Variants in SORBS2 observed in about 807,000 individuals in gnomAD.
The protein encoded by SORBS2 is sorbin and SH3 domain containing 2.
A neutral mutation model predicts 97.7 loss-of-function variants in SORBS2; 46 were observed. The ratio of observed to expected loss-of-function variants is 0.47; its 90% CI spans 0.37 to 0.60. The LOEUF (loss-of-function observed/expected upper bound fraction) is 0.60, where lower values mean the gene tolerates loss of function less well. Ranked by LOEUF, SORBS2 falls within the 20% of genes least tolerant of loss-of-function variation. SORBS2 has a pLI of 0.00. For missense variants in SORBS2, 1,316 were observed against 1,282.3 expected (o/e 1.03, Z -0.40); for synonymous variants, 476 against 473.4 (o/e 1.01, Z -0.07).
chr4:185,903,281 A>G (rs1192783201), intron 1 of SORBS2, among the ~76,000 whole-genome samples: 4 of 152,194 alleles, frequency 2.6e-5, no homozygotes, highest in Non-Finnish European at 4.4e-5. Flanking sequence ...TGGGCTCTTT[A>G]AGATTAGTGT....
chr4:185,953,198 C>T (rs765667009), intron 1 of SORBS2, among the ~76,000 whole-genome samples: 1 of 152,246 alleles, frequency 6.6e-6, no homozygotes, highest in Non-Finnish European at 1.5e-5. Flanking sequence ...GCCTGAATCC[C>T]AGCTACTAGG....
chr4:185,900,749 A>T (rs1453944516), intron 1 of SORBS2, among the ~76,000 whole-genome samples: 1 of 152,142 alleles, frequency 6.6e-6, no homozygotes, highest in East Asian at 1.9e-4. Context: ...ATTTGTACGT[A>T]TGAGTGGGAG....
At chr4:185,678,950 T>A in intron 2 of SORBS2, 128 bp from the exon 6 acceptor site, 1 of 474,264 alleles carries the variant, frequency 2.1e-6, no homozygotes, top group East Asian at 3.6e-5. Context: ...AATCTGGGTA[T>A]GTCAAACATG....
exon 6 of SORBS2, chr4:185,626,863 G>C (rs1308035850): frequency 1.2e-6 from 2 of 1,614,248 alleles, no homozygotes; most frequent in Non-Finnish European, 1.7e-6. Context: ...AAGGAGAAGA[G>C]CTAGTGAAAG....
At chr4:185,635,159 A>C (rs2096973882) in intron 4 of SORBS2, among the ~76,000 whole-genome samples, 196 bp downstream of exon 16, 1 of 152,218 alleles carries the variant, frequency 6.6e-6, no homozygotes, top group Admixed American at 6.5e-5. Context: ...CTTCACCCAG[A>C]GTCCAGAGAT....
chr4:185,812,475 G>A (rs752353275), intron 1 of SORBS2, among the ~76,000 whole-genome samples: 6 of 152,170 alleles, frequency 3.9e-5, no homozygotes, highest in Non-Finnish European at 7.3e-5. Flanking sequence ...TTTTATATGA[G>A]CCGGGGCTAT....
chr4:185,941,244 A>T (rs775900715), intron 1 of SORBS2, among the ~76,000 whole-genome samples: 1 of 152,178 alleles, frequency 6.6e-6, no homozygotes, highest in Non-Finnish European at 1.5e-5. Context: ...TATTACACAG[A>T]TGGGACATTA....
intron 2 of SORBS2, among the ~76,000 whole-genome samples, chr4:185,716,003 G>T (rs2098462342): frequency 6.6e-6 from 1 of 152,208 alleles, no homozygotes; most frequent in Non-Finnish European, 1.5e-5. Context: ...CACAGTCAGA[G>T]ACCTAAGAGA....
In SORBS2 at chr4:185,684,387, T is replaced by C. The variant is rs751621984; in HGVS notation, c.-197-5565A>G. 1.3e-5 allele frequency among the ~76,000 whole-genome samples: 2 copies of C among 152,178 alleles called. No individual in the cohort carries two copies. The highest frequency in any genetic ancestry group is 2.9e-5 in the Non-Finnish European group (2 of 68,030). On this transcript the variant is annotated intron_variant, in intron 2 of 20. Coordinates refer to the SORBS2 transcript ENST00000284776. The surrounding 1 kb of genome is among the most constrained non-coding windows in gnomAD (Gnocchi z 4.2). ...TCAAAACTAATGTTCTATCATTCTG[T>C]TCACAACCTTTGACAAAGAATCCAG...
intron 4 of SORBS2, among the ~76,000 whole-genome samples, chr4:185,641,616 C>G (rs73030023): frequency 1.3e-3 from 196 of 152,204 alleles, no homozygotes; most frequent in African/African-American, 4.5e-3. Context: ...CCTTTGAGTA[C>G]AGCACTAATA....
intron 1 of SORBS2, among the ~76,000 whole-genome samples, chr4:185,886,642 C>T (rs576295910): frequency 7.3e-5 from 11 of 151,194 alleles, no homozygotes; most frequent in South Asian, 2.1e-4. Flanking sequence ...CTGCTATCCA[C>T]GGCTCAGGTC....
At chr4:185,833,398 TG>T (rs1411037819) in intron 1 of SORBS2, among the ~76,000 whole-genome samples, 4 of 152,238 alleles carry the variant, frequency 2.6e-5, no homozygotes, top group Admixed American at 2.6e-4. Flanking sequence ...ACATGGCTCC[TG>T]GGATTATCAC....
At chr4:185,843,585 C>G (rs576216822) in intron 1 of SORBS2, among the ~76,000 whole-genome samples, 40 of 152,144 alleles carry the variant, frequency 2.6e-4, no homozygotes, top group African/African-American at 9.4e-4. Flanking sequence ...TAAGCAATAC[C>G]ATTTGCAGTA....
intron 1 of SORBS2, among the ~76,000 whole-genome samples, chr4:185,781,671 C>T (rs1163515995): frequency 1.5e-4 from 9 of 58,450 alleles, no homozygotes; most frequent in Admixed American, 4.1e-4. Flanking sequence ...CCATTGCCTC[C>T]GGCCTCTCCA....
At chr4:185,690,407 A>T (rs2098071275) in intron 2 of SORBS2, among the ~76,000 whole-genome samples, 155 bp downstream of exon 4, 1 of 152,224 alleles carries the variant, frequency 6.6e-6, no homozygotes, top group South Asian at 2.1e-4. Context: ...GTGGGGCACA[A>T]ATACAAAGAA....
chr4:185,663,756 C>T (rs2153476638), intron 4 of SORBS2, among the ~76,000 whole-genome samples: 1 of 151,760 alleles, frequency 6.6e-6, no homozygotes, highest in East Asian at 1.9e-4. Context: ...AACTATATTG[C>T]TAAACCTACA....
At chr4:185,888,621 T>G (rs2099240878) in intron 1 of SORBS2, among the ~76,000 whole-genome samples, 1 of 152,258 alleles carries the variant, frequency 6.6e-6, no homozygotes, top group Admixed American at 6.5e-5. Flanking sequence ...AGAGTTTGTT[T>G]TCCTACCTTC....
At chr4:185,791,622 T>C (rs1201146544) in intron 1 of SORBS2, among the ~76,000 whole-genome samples, 4 of 152,018 alleles carry the variant, frequency 2.6e-5, no homozygotes, top group Admixed American at 2.6e-4. Context: ...TCACCTAGCA[T>C]GTTAGGACTA....
At chr4:185,678,587 C>A in intron 3 of SORBS2, 40 bp from the exon 7 acceptor site, 1 of 1,477,840 alleles carries the variant, frequency 6.8e-7, no homozygotes. Flanking sequence ...AAAATATCTA[C>A]GTTCACTTAA....
Sources: gnomAD v4.1 joint callset for allele counts (sites outside exome capture counted in the v4.1 genomes callset) on GRCh38, gnomAD v4.1.1 for gene constraint, Gnocchi (gnomAD v3.1) non-coding constraint, MANE v1.5 for transcripts, NCBI Gene and HGNC (gene_info 2026-07-23, HGNC 2026-07-21) for gene names.